Variants in ZNF618 observed in about 807,000 individuals in gnomAD.
ZNF618 encodes zinc finger protein 618.
A neutral mutation model predicts 103.0 loss-of-function variants in ZNF618; 34 were observed. The observed-to-expected ratio is 0.33, with a 90% CI of 0.25 to 0.44. The LOEUF is 0.44. Ranked by LOEUF, ZNF618 falls within the 20% of genes least tolerant of loss-of-function variation. The probability of loss-of-function intolerance (pLI) is 1.00; values close to 1 mark genes in which losing one functional copy is unlikely to be tolerated. For synonymous variants in ZNF618, 551 were observed against 542.2 expected (o/e 1.02, Z -0.23); for missense variants, 1,059 against 1,295.4 (o/e 0.82, Z 2.80).
intron 1 of ZNF618, among the ~76,000 whole-genome samples, chr9:113,909,438 C>T (rs571480124): frequency 2.0e-5 from 3 of 152,228 alleles, no homozygotes; most frequent in East Asian, 1.9e-4. Flanking sequence ...GTATGTGCTA[C>T]GAGGCTGCAG....
chr9:113,999,919 C>G (rs1294010324), intron 4 of ZNF618, among the ~76,000 whole-genome samples: 4 of 152,190 alleles, frequency 2.6e-5, no homozygotes, highest in Non-Finnish European at 5.9e-5. Flanking sequence ...TGGGTGGAGG[C>G]AGCAGGAAGA....
intron 3 of ZNF618, among the ~76,000 whole-genome samples, chr9:113,993,625 C>T (rs567335845): frequency 1.3e-5 from 2 of 152,064 alleles, no homozygotes; most frequent in African/African-American, 2.4e-5. Context: ...TGAGGGAGTC[C>T]AGGGAGAGCA....
rs1187148516 is a variant in ZNF618 at position 113,902,036 on chromosome 9, G to A, written c.33+25623G>A. On this transcript the variant is annotated intron_variant, in intron 1 of 14. Coordinates refer to ENST00000374126, the MANE Select transcript of ZNF618 (RefSeq NM_001318042.2). Reference sequence around the variant, plus strand: ...ATACAGACTCTCTTTCTGACTTTCTGTGATTCTGAGAAGAAATGGCAGTGC... The same window carrying A: ...ATACAGACTCTCTTTCTGACTTTCTATGATTCTGAGAAGAAATGGCAGTGC... Among the ~76,000 whole-genome samples, 3 of 152,080 alleles carry A rather than the reference G, an allele frequency of 2.0e-5. No homozygotes were observed. In the East Asian group the frequency reaches 5.8e-4, roughly 29 times the overall value.
At chr9:114,009,211 A>T (rs1054368035) in intron 9 of ZNF618, among the ~76,000 whole-genome samples, 4 of 152,218 alleles carry the variant, frequency 2.6e-5, no homozygotes, top group Admixed American at 1.3e-4. Context: ...TTGAACAGAT[A>T]GTTCCAACAT....
At chr9:113,892,843 A>G (rs1309116919) in intron 1 of ZNF618, among the ~76,000 whole-genome samples, 1 of 152,218 alleles carries the variant, frequency 6.6e-6, no homozygotes, top group African/African-American at 2.4e-5. Flanking sequence ...CAATAATTGA[A>G]TGATCCATCT....
In ZNF618 at chr9:114,023,675, A is replaced by G. The variant is rs976690466; in HGVS notation, c.845-5058A>G. ...TAGGTCTATTGGTGAAAGATTCTCT[A>G]AGCTGAAGATGTTTTTATTTCACAT... On this transcript the variant is annotated intron_variant, in intron 10 of 14. Coordinates refer to ENST00000374126, the MANE Select transcript of ZNF618 (RefSeq NM_001318042.2). Among the ~76,000 whole-genome samples, 4 of 152,258 alleles carry G rather than the reference A, an allele frequency of 2.6e-5. No individual in the cohort carries two copies. The South Asian group carries it at 6.2e-4, about 24-fold the overall frequency.
At chr9:114,022,781 T>C (rs1315974148) in intron 10 of ZNF618, among the ~76,000 whole-genome samples, 1 of 152,044 alleles carries the variant, frequency 6.6e-6, no homozygotes, top group Non-Finnish European at 1.5e-5. Context: ...TTTCCCCTTT[T>C]AGGTTTGTCA....
At chr9:113,897,966 T>C (rs2131171671) in intron 1 of ZNF618, among the ~76,000 whole-genome samples, 1 of 152,034 alleles carries the variant, frequency 6.6e-6, no homozygotes, top group South Asian at 2.1e-4. Context: ...CTAATTTTTG[T>C]ATTTTTAGTA....
At chr9:113,924,463 G>A (rs1828068682) in intron 1 of ZNF618, among the ~76,000 whole-genome samples, 1 of 147,750 alleles carries the variant, frequency 6.8e-6, no homozygotes. Context: ...CTGGCTAGAG[G>A]CTTATCAATT....
At chr9:114,009,347 G>A (rs1842043192) in intron 9 of ZNF618, among the ~76,000 whole-genome samples, 1 of 152,196 alleles carries the variant, frequency 6.6e-6, no homozygotes, top group African/African-American at 2.4e-5. Flanking sequence ...GAAAATCGAT[G>A]ATGGCTTCAG....
intron 11 of ZNF618, among the ~76,000 whole-genome samples, 153 bp from the exon 12 acceptor site, chr9:114,032,492 G>T (rs1405488056): frequency 1.3e-5 from 2 of 152,138 alleles, no homozygotes; most frequent in Non-Finnish European, 2.9e-5. Flanking sequence ...CCACTCAGAG[G>T]GTCCTGGGGA....
At chr9:114,008,446 A>G in intron 8 of ZNF618, 31 bp from the exon 9 acceptor site, 5 of 1,613,900 alleles carry the variant, frequency 3.1e-6, no homozygotes, top group Non-Finnish European at 4.2e-6. Flanking sequence ...CTGGGGGACC[A>G]GGGTGCTAAG....
chr9:113,987,002 C>T (rs541290988), intron 2 of ZNF618, among the ~76,000 whole-genome samples: 37 of 152,288 alleles, frequency 2.4e-4, no homozygotes, highest in African/African-American at 7.0e-4. Flanking sequence ...GTCCAGTGGC[C>T]CTGCTGTGCT....
chr9:113,981,345 G>A (rs1437564188), intron 2 of ZNF618, among the ~76,000 whole-genome samples: 1 of 152,148 alleles, frequency 6.6e-6, no homozygotes, highest in Non-Finnish European at 1.5e-5. Context: ...CTCCCCCTCT[G>A]TGTAAGGAGA....
intron 1 of ZNF618, among the ~76,000 whole-genome samples, chr9:113,889,341 C>CTCTCTCTT (rs1176785969): frequency 2.6e-5 from 4 of 150,978 alleles, no homozygotes; most frequent in East Asian, 2.1e-4. Flanking sequence ...CTCTCTCTCT[C>CTCTCTCTT]TCTCTTTCTC....
chr9:113,915,378 G>T (rs184214286), intron 1 of ZNF618, among the ~76,000 whole-genome samples: 1 of 152,192 alleles, frequency 6.6e-6, no homozygotes, highest in Non-Finnish European at 1.5e-5. Flanking sequence ...TGAGAAGTCA[G>T]GCCGTTGGTT....
At chr9:114,031,835 C>T (rs1331904297) in intron 11 of ZNF618, among the ~76,000 whole-genome samples, 2 of 152,046 alleles carry the variant, frequency 1.3e-5, no homozygotes, top group Non-Finnish European at 2.9e-5. Context: ...CCGGCATCCC[C>T]CTCATGCCTA....
intron 1 of ZNF618, among the ~76,000 whole-genome samples, chr9:113,928,196 C>T (rs1218422104): frequency 6.6e-6 from 1 of 152,196 alleles, no homozygotes; most frequent in East Asian, 1.9e-4. Context: ...TATCCAGCTA[C>T]TGATGAGCTC....
At chr9:113,954,314 T>C (rs974402884) in intron 1 of ZNF618, among the ~76,000 whole-genome samples, 1 of 152,052 alleles carries the variant, frequency 6.6e-6, no homozygotes, top group African/African-American at 2.4e-5. Context: ...GGTGCTTGGG[T>C]CTTCTGGGCA....
Sources: allele counts gnomAD v4.1 joint callset (sites outside exome capture counted in the v4.1 genomes callset), GRCh38; gene constraint gnomAD v4.1.1; transcripts MANE v1.5; gene names NCBI Gene and HGNC (gene_info 2026-07-23, HGNC 2026-07-21).